The following SNX11 variants were observed in gnomAD, a reference collection of about 807,000 sequenced individuals.
The protein encoded by SNX11 is sorting nexin-11.
Under a neutral mutation model 30.7 loss-of-function variants are expected in SNX11, and 19 were observed. The observed-to-expected ratio is 0.62, with a 90% CI of 0.43 to 0.91. The LOEUF (loss-of-function observed/expected upper bound fraction) is 0.91. Ranked by LOEUF, SNX11 falls within the 40% of genes least tolerant of loss-of-function variation. The pLI, the probability that SNX11 is intolerant of heterozygous loss-of-function variation, is 0.00. For synonymous variants in SNX11, 112 were observed against 119.0 expected (o/e 0.94, Z 0.38); for missense variants, 302 against 326.7 (o/e 0.92, Z 0.58).
intron 5 of SNX11, 63 bp downstream of exon 5, chr17:48,118,862 C>A: frequency 6.4e-7 from 1 of 1,558,912 alleles, no homozygotes; most frequent in Non-Finnish European, 8.8e-7. Context: ...AGGAATGTGC[C>A]AGGCAGGATG....
At chr17:48,116,529 C>T (rs906790152) in intron 4 of SNX11, among the ~76,000 whole-genome samples, 2 of 151,352 alleles carry the variant, frequency 1.3e-5, no homozygotes, top group African/African-American at 2.4e-5. Context: ...CCAGTTTCTT[C>T]CTTTTTAAAA....
chr17:48,119,431 C>T (rs139322023), intron 6 of SNX11, among the ~76,000 whole-genome samples: 2,334 of 152,152 alleles, frequency 0.015, 33 homozygotes, highest in Non-Finnish European at 0.024. Context: ...GTTTTTTATT[C>T]CTCCTCCCTC....
intron 1 of SNX11, chr17:48,110,968 G>A (rs1233946918): frequency 2.9e-6 from 1 of 343,920 alleles, no homozygotes; most frequent in East Asian, 1.7e-4. Context: ...TTGTCGGAGT[G>A]GGTGATGTCG....
chr17:48,116,321 A>G (rs2144520804), intron 4 of SNX11, among the ~76,000 whole-genome samples: 1 of 152,218 alleles, frequency 6.6e-6, no homozygotes, highest in South Asian at 2.1e-4. Context: ...GGGTCAAGGG[A>G]TTCTCCCACT....
rs1374424298 is a variant in SNX11, at chr17:48,114,555, T to G, written c.230+1154T>G. Reference sequence around the variant, plus strand: ...TTACTGCAACCTCCGCCTCCCGGGTTCAAGCAGTTCTCTGCCTCAGCCTCC... The same window carrying G: ...TTACTGCAACCTCCGCCTCCCGGGTGCAAGCAGTTCTCTGCCTCAGCCTCC... On this transcript the variant is annotated intron_variant, in intron 4 of 6. Transcript: ENST00000359238. Among the ~76,000 whole-genome samples the G allele has an allele frequency of 3.3e-5, 5 of 151,260 alleles. No homozygotes were observed. In the East Asian group the frequency reaches 9.8e-4, roughly 30 times the overall value.
At chr17:48,119,389 G>T (rs1425268981) in intron 6 of SNX11, among the ~76,000 whole-genome samples, 1 of 152,148 alleles carries the variant, frequency 6.6e-6, no homozygotes, top group Non-Finnish European at 1.5e-5. Flanking sequence ...GAAACCTGGG[G>T]AGAAAGAAGG....
chr17:48,114,154 C>G (rs1306564830), intron 4 of SNX11, among the ~76,000 whole-genome samples: 1 of 144,250 alleles, frequency 6.9e-6, no homozygotes, highest in Non-Finnish European at 1.5e-5. Context: ...CCACTCCTGG[C>G]TGGGAAATAT....
At chr17:48,109,047 CT>C (rs762471990) in intron 1 of SNX11, among the ~76,000 whole-genome samples, 2 of 151,980 alleles carry the variant, frequency 1.3e-5, no homozygotes, top group Non-Finnish European at 2.9e-5. Context: ...ATTCTCATGC[CT>C]CAGTCTCCCG....
chr17:48,113,499 A>G, intron 4 of SNX11, 98 bp downstream of exon 4: 1 of 778,234 alleles, frequency 1.3e-6, no homozygotes, highest in Non-Finnish European at 2.2e-6. Context: ...GCAACATACC[A>G]GGCACTAAGG....
At chr17:48,111,133 T>G (rs1195612796) in intron 1 of SNX11, 1 of 985,218 alleles carries the variant, frequency 1.0e-6, no homozygotes, top group Non-Finnish European at 1.2e-6. Flanking sequence ...AGGAAGTAAT[T>G]AGAACAATTG....
chr17:48,114,047 G>C lies in SNX11; in HGVS notation c.230+646G>C, dbSNP rs182028763. Among the ~76,000 whole-genome samples, 490 of 151,334 alleles carry C rather than the reference G, an allele frequency of 3.2e-3. 7 individuals carry two copies. Among genetic ancestry groups the C allele is most frequent in the African/African-American group, 0.012 (478 of 41,188 alleles). ...ATTTTTGTATTTTTAGTAGAGGTGG[G>C]GTTTGTCCATGTTGGCCAGGCTGGT... On this transcript the variant is annotated intron_variant, in intron 4 of 6. Coordinates refer to ENST00000359238, the MANE Select transcript of SNX11 (RefSeq NM_013323.3).
chr17:48,120,201 G>GTTTTTT (rs61680588), intron 6 of SNX11, among the ~76,000 whole-genome samples: 3 of 74,244 alleles, frequency 4.0e-5, no homozygotes, highest in Admixed American at 1.9e-4. Flanking sequence ...GCATTTATCT[G>GTTTTTT]TTTTTTTTTT....
chr17:48,121,682 T>C lies in SNX11; in HGVS notation c.*174T>C, dbSNP rs1319494847. ...ATTACAGCCCCTTATGCCTCTTCCA[T>C]GGGAACAAATACTGTGCAGATGTTT... On this transcript the variant is annotated 3_prime_UTR_variant, in exon 7 of 7. Coordinates refer to ENST00000359238, the MANE Select transcript of SNX11 (RefSeq NM_013323.3). 3.1e-6 allele frequency: 2 copies of C among 637,302 alleles called. No homozygotes were observed. The highest frequency in any genetic ancestry group is 5.5e-6 in the Non-Finnish European group (2 of 366,532). The allele number at this position is 637,302 out of a possible 1,614,324, so 39.5% of individuals were successfully genotyped here.
rs932971321 is a variant in SNX11, at chr17:48,107,794, T to C, written c.-58T>C. 2 of 152,002 alleles carry C rather than the reference T, an allele frequency of 1.3e-5. No homozygotes were observed. Among genetic ancestry groups the C allele is most frequent in the Non-Finnish European group, 2.9e-5 (2 of 68,192 alleles). 9.4% of individuals were successfully genotyped at this position (152,002 alleles called of 1,614,324 possible). On this transcript the variant is annotated 5_prime_UTR_variant, in exon 1 of 7. Coordinates refer to ENST00000359238, the MANE Select transcript of SNX11 (RefSeq NM_013323.3). ...GAGAAGCCGTGATCTGGCTATATGG[T>C]GGGGCGCGGGCGGTGTCGCTGTGGG...
chr17:48,111,064 C>T (rs773149385), intron 1 of SNX11: 24 of 984,240 alleles, frequency 2.4e-5, no homozygotes, highest in East Asian at 1.1e-4. Context: ...CATCCTGAGT[C>T]GACCTGTGCA....
Position 48,112,618 on chromosome 17 carries a change from G to C in SNX11, c.87G>C (p.Glu29Asp). The C allele has an allele frequency of 6.2e-7, 1 of 1,613,786 alleles. No homozygotes were observed. The highest frequency in any genetic ancestry group is 8.5e-7 in the Non-Finnish European group (1 of 1,179,826). Residue 29 changes from glutamate (E) to aspartate (D), a missense_variant, in exon 3 of 7, where the codon GAG (glutamate) becomes GAC (aspartate). Transcript: ENST00000359238. ...TTCAGGACCCCCGAGTGCAGAATGAGGGCTCCTGGAACTCTTATGTGGATT... is the reference window on the plus strand; with the variant it reads ...TTCAGGACCCCCGAGTGCAGAATGACGGCTCCTGGAACTCTTATGTGGATT... Reference protein sequence around the residue: ...VRVQDPRVQNEGSWNSYVDYK... With the variant: ...VRVQDPRVQNDGSWNSYVDYK...
At chr17:48,112,741 T>G (rs746873745) in intron 3 of SNX11, 81 bp downstream of exon 3, 1 of 863,860 alleles carries the variant, frequency 1.2e-6, no homozygotes, top group East Asian at 2.7e-5. Context: ...CTTTTTTTTT[T>G]TTTTTTGAGA....
rs755099931 is a variant in SNX11, at chr17:48,119,167, AAAG to A, written c.521_523del (p.Lys174_Gly175delinsArg). ...GAGGCAGAGCTCTTCTCACCTGGCT[AAAG>A]GAGACCAGCCTAAGAGGTAACTGGA... On this transcript the variant is annotated inframe_deletion, in exon 6 of 7. Transcript: ENST00000359238. The A allele has an allele frequency of 3.1e-6, 5 of 1,613,788 alleles. No homozygotes were observed. In the African/African-American group the frequency reaches 6.7e-5, roughly 22 times the overall value.
chr17:48,113,484 A>G, intron 4 of SNX11, 83 bp downstream of exon 4: 1 of 890,536 alleles, frequency 1.1e-6, no homozygotes, highest in East Asian at 2.5e-5. Context: ...CAATGAAGAG[A>G]ACTTGCAACA....
Sources: allele counts gnomAD v4.1 joint callset (sites outside exome capture counted in the v4.1 genomes callset), GRCh38; gene constraint gnomAD v4.1.1; transcripts MANE v1.5; gene names NCBI Gene and HGNC (gene_info 2026-07-23, HGNC 2026-07-21).